MTA2: variants seen among roughly 807,000 people sequenced by gnomAD.
MTA2 encodes metastasis associated 1 family member 2, also known as metastasis-associated protein MTA2.
MTA2 carries 22 observed loss-of-function variants against 87.1 expected under a neutral mutation model. That is an observed-to-expected ratio of 0.25 (90% CI 0.18 to 0.36). MTA2 has a LOEUF of 0.36. Among genes scored for constraint, MTA2 ranks in the 10% least tolerant of loss-of-function variants. The probability of loss-of-function intolerance (pLI) is 1.00; values close to 1 mark genes in which losing one functional copy is unlikely to be tolerated. For missense variants in MTA2, 542 were observed against 853.2 expected (o/e 0.64, Z 4.54); for synonymous variants, 314 against 310.1 (o/e 1.01, Z -0.13).
In MTA2 at chr11:62,596,172, C is replaced by T. The variant is rs1239730669; in HGVS notation, c.1017-65G>A. The T allele has an allele frequency of 4.4e-6, 7 of 1,598,512 alleles. No homozygotes were observed. In the South Asian group the frequency reaches 6.7e-5, roughly 15 times the overall value. On this transcript the variant is annotated intron_variant, in intron 11 of 17. Coordinates refer to ENST00000278823, the MANE Select transcript of MTA2 (RefSeq NM_004739.4). ...CTGGTCAAGGAAAAGAATCAATTTC[C>T]ACTCTCAGTGTGCCCCTACCTCCTG...
chr11:62,597,411 C>T lies in MTA2; in HGVS notation c.598G>A (p.Val200Met), dbSNP rs745372981. 1 of 1,610,502 alleles carries T rather than the reference C, an allele frequency of 6.2e-7. No individual in the cohort carries two copies. Among genetic ancestry groups the T allele is most frequent in the Non-Finnish European group, 8.5e-7 (1 of 1,178,680 alleles). The change falls in exon 8 of 18, where the codon GTG (valine) becomes ATG (methionine). Residue 200 changes from valine to methionine, a missense_variant. Val to Met is a conservative substitution (Grantham distance 21). This residue lies in a region of MTA2 where 44 missense variants were observed against 104.8 expected (regional missense o/e 0.42). Coordinates refer to ENST00000278823, the MANE Select transcript of MTA2 (RefSeq NM_004739.4). ...TCTAGGGCTCTTGCAAAGGTTCCCA[C>T]AGCTCTAAGGGAGAAATTGAGAAGT... ...IDQFLVVARA[V>M]GTFARALDCS...
Position 62,601,844 on chromosome 11 carries a change from G to C in MTA2, c.-394C>G. The C allele has an allele frequency of 2.0e-6, 1 of 494,784 alleles. No individual in the cohort carries two copies. Among genetic ancestry groups the C allele is most frequent in the East Asian group, 3.5e-5 (1 of 28,492 alleles). 30.6% of individuals were successfully genotyped at this position (494,784 alleles called of 1,614,324 possible). On this transcript the variant is annotated 5_prime_UTR_variant, in exon 1 of 18. The change creates a new upstream start codon in the 5' untranslated region. Coordinates refer to ENST00000278823, the MANE Select transcript of MTA2 (RefSeq NM_004739.4). ...GCCTCCTTCCGGAACACCTTCGGCC[G>C]ATCCGGAGAACAAGGCCCACTGCTC...
chr11:62,593,805 G>A lies in MTA2; in HGVS notation c.*70C>T. 1 of 1,580,108 alleles carries A rather than the reference G, an allele frequency of 6.3e-7. No individual in the cohort carries two copies. The highest frequency in any genetic ancestry group is 1.1e-5 in the South Asian group (1 of 89,660). ...CTCCTCACTCCCTTCGACACGAAAG[G>A]GAAGGGAGGTTTGGGTGCCCTGGGC... On this transcript the variant is annotated 3_prime_UTR_variant, in exon 18 of 18. Coordinates refer to ENST00000278823, the MANE Select transcript of MTA2 (RefSeq NM_004739.4).
Position 62,596,653 on chromosome 11 carries a change from T to A in MTA2, c.866A>T (p.Asp289Val), listed in dbSNP as rs377278798. 18 of 1,612,746 alleles carry A rather than the reference T, an allele frequency of 1.1e-5. No homozygotes were observed. Among genetic ancestry groups the A allele is most frequent in the Middle Eastern group, 1.6e-4 (1 of 6,072 alleles). The change falls in exon 9 of 18, where the codon GAT becomes GTT. Residue 289 changes from aspartate to valine, a missense_variant. By Grantham distance (152) the Asp-to-Val change is radical. This residue lies in a region of MTA2 where 33 missense variants were observed against 31.7 expected (regional missense o/e 1.04). Coordinates refer to ENST00000278823, the MANE Select transcript of MTA2 (RefSeq NM_004739.4). ...ALEKYGKDFN[D>V]IRQDFLPWKS... is the part of the protein sequence containing the mutation. ...TCCACTTACAAAATCCTGGCGAATA[T>A]CATTGAAGTCCTTCCCATACTTCTC...
chr11:62,594,519 C>T lies in MTA2; in HGVS notation c.1689G>A (p.Glu563=). ...CCACCCCTTTCTGTCAACTCACAGT[C>T]TCATAGGCCCGTTTCACCATAATGC... is the stretch of plus-strand genomic sequence containing the variant. ...LGGIMVKRAY[E]TMAGAGVPFS... The change falls in exon 16 of 18, where the codon GAG becomes GAA. Residue 563 remains glutamate (E), a synonymous_variant. Coordinates refer to ENST00000278823, the MANE Select transcript of MTA2 (RefSeq NM_004739.4). The T allele has an allele frequency of 6.2e-7, 1 of 1,614,052 alleles. No individual in the cohort carries two copies. The highest frequency in any genetic ancestry group is 8.5e-7 in the Non-Finnish European group (1 of 1,179,974).
chr11:62,596,864 T>G (rs768835292), intron 8 of MTA2, 39 bp from the exon 9 acceptor site: 41 of 1,563,612 alleles, frequency 2.6e-5, no homozygotes, highest in Non-Finnish European at 3.5e-5. Context: ...ACCTGAAACT[T>G]TTGGCACCAC....
In MTA2 at chr11:62,596,355, G is replaced by C. The variant is rs755491336; in HGVS notation, c.958-18C>G. 2.5e-6 allele frequency: 4 copies of C among 1,613,752 alleles called. No homozygotes were observed. The Admixed American group carries it at 5.0e-5, about 20-fold the overall frequency. ...AACCTTTTCTGTAAGAAGGTAAAAA[G>C]AAAGAGAAGGATCAGAGCCTCATAG... On this transcript the variant is annotated intron_variant, in intron 10 of 17. Transcript: ENST00000278823.
Position 62,595,560 on chromosome 11 carries a change from C to T in MTA2, c.1255-68G>A, listed in dbSNP as rs1403574501. Reference sequence around the variant, plus strand: ...CTGAGGCTCCCTTCTTTCTTCCATTCCCTGCAGGGGACAATTTATTCCTGT... The same window carrying T: ...CTGAGGCTCCCTTCTTTCTTCCATTTCCTGCAGGGGACAATTTATTCCTGT... On this transcript the variant is annotated intron_variant, in intron 13 of 17. Transcript: ENST00000278823. This position sits in a 1 kb window ranked among gnomAD's most constrained non-coding sequence, Gnocchi z 4.9. The T allele has an allele frequency of 6.4e-7, 1 of 1,573,334 alleles. No individual in the cohort carries two copies.
At position 62,601,567 on chromosome 11, in the gene MTA2, G is replaced by T. The variant is rs1942202019; in HGVS notation, c.-117C>A. ...GCTGCCGCTTCGAGGGAGTCTCACTGGGGCCCGCGCAGCCGGCACCTCCGC... is the reference window on the plus strand; with the variant it reads ...GCTGCCGCTTCGAGGGAGTCTCACTTGGGCCCGCGCAGCCGGCACCTCCGC... On this transcript the variant is annotated 5_prime_UTR_variant, in exon 1 of 18. Coordinates refer to ENST00000278823, the MANE Select transcript of MTA2 (RefSeq NM_004739.4). 5 of 1,262,572 alleles carry T rather than the reference G, an allele frequency of 4.0e-6. No homozygotes were observed. The highest frequency in any genetic ancestry group is 1.6e-5 in the African/African-American group (1 of 63,564). 78.2% of individuals were successfully genotyped at this position (1,262,572 alleles called of 1,614,324 possible).
intron 3 of MTA2, among the ~76,000 whole-genome samples, chr11:62,599,538 C>G (rs1161249612): frequency 6.7e-6 from 1 of 150,066 alleles, no homozygotes; most frequent in Admixed American, 6.6e-5. Context: ...AAAGGTGGAA[C>G]AAAAGGAAGG....
rs1484825546 is a variant in MTA2, at chr11:62,601,640, G to C, written c.-190C>G. The stretch of plus-strand genomic sequence containing the variant: ...CCCGGCCCGCGCTGTCGCCGCCGCA[G>C]CTATCGCCTCACTCCCGGGACGCTG... On this transcript the variant is annotated 5_prime_UTR_variant, in exon 1 of 18. Transcript: ENST00000278823. 1 of 603,288 alleles carries C rather than the reference G, an allele frequency of 1.7e-6. No homozygotes were observed. Among genetic ancestry groups the C allele is most frequent in the Admixed American group, 3.7e-5 (1 of 26,936 alleles). 37.4% of individuals were successfully genotyped at this position (603,288 alleles called of 1,614,324 possible). A position where few individuals can be genotyped will look rare whatever the true frequency, so the allele number is the denominator to read the frequency against.
In MTA2 at chr11:62,601,706, C is replaced by CCTGCCA; in HGVS notation, c.-257_-256insTGGCAG. The CCTGCCA allele has an allele frequency of 1.9e-6, 1 of 528,186 alleles. No individual in the cohort carries two copies. 32.7% of individuals were successfully genotyped at this position (528,186 alleles called of 1,614,324 possible). Reference sequence around the variant, plus strand: ...CGCTCGGCTTCTTCCGGAACGAGCTCGGCTCCTGCCAGGCCAGAGCCAGGC... The same window carrying CCTGCCA: ...CGCTCGGCTTCTTCCGGAACGAGCTCCTGCCAGGCTCCTGCCAGGCCAGAGCCAGGC... On this transcript the variant is annotated 5_prime_UTR_variant, in exon 1 of 18. Coordinates refer to ENST00000278823, the MANE Select transcript of MTA2 (RefSeq NM_004739.4).
intron 8 of MTA2, among the ~76,000 whole-genome samples, 170 bp from the exon 9 acceptor site, chr11:62,596,995 C>T (rs911079519): frequency 6.6e-6 from 1 of 152,100 alleles, no homozygotes; most frequent in Admixed American, 6.5e-5. Context: ...CGAGATCATC[C>T]TGGCTAAAAC....
In MTA2 at chr11:62,595,323, G is replaced by A; in HGVS notation, c.1424C>T (p.Pro475Leu). The change falls in exon 14 of 18, where the codon CCA (proline) becomes CTA (leucine). Residue 475 changes from proline (P) to leucine (L), a missense_variant. Physicochemically the swap from Pro to Leu is moderately conservative, Grantham distance 98. Transcript: ENST00000278823. This position sits in a 1 kb window ranked among gnomAD's most constrained non-coding sequence, Gnocchi z 4.9. Reference sequence around the variant, plus strand: ...ATAAGGCCGTCGGGCGGCCCTCCTTGGCTGTAATAGGTCCCTGCACATGCG... The same window carrying A: ...ATAAGGCCGTCGGGCGGCCCTCCTTAGCTGTAATAGGTCCCTGCACATGCG... ...ARRMCRDLLQ[P>L]RRAARRPYAP... 6.2e-7 allele frequency: 1 copy of A among 1,614,222 alleles called. No homozygotes were observed. The highest frequency in any genetic ancestry group is 8.5e-7 in the Non-Finnish European group (1 of 1,180,034).
chr11:62,594,698 T>A, intron 15 of MTA2, 64 bp from the exon 16 acceptor site: 1 of 1,462,598 alleles, frequency 6.8e-7, no homozygotes, highest in Non-Finnish European at 9.5e-7. Flanking sequence ...GTTACTTCCA[T>A]CTCTCTTCCC....
In MTA2 at chr11:62,593,888, A is replaced by C; in HGVS notation, c.1994T>G (p.Val665Gly). The C allele has an allele frequency of 6.2e-7, 1 of 1,614,064 alleles. No individual in the cohort carries two copies. The change falls in exon 18 of 18, where the codon GTC (valine) becomes GGC (glycine). Residue 665 changes from valine (V) to glycine (G), a missense_variant. Transcript: ENST00000278823. ...CCCCACAGGTGCTCAGTCCTCCAGG[A>C]CAATAGGCTCATTGGTGCTGGCAGG... ...SHPASTNEPI[V>G]LED is the part of the protein sequence containing the mutation.
At position 62,595,732 on chromosome 11, in the gene MTA2, T is replaced by C. The variant is rs1356522549; in HGVS notation, c.1254+20A>G. ...ATATGCTTACTGCTCTCCCCTGCTTTTCTTCCCACTGATCCTTACCGTGGT... is the reference window on the plus strand; with the variant it reads ...ATATGCTTACTGCTCTCCCCTGCTTCTCTTCCCACTGATCCTTACCGTGGT... On this transcript the variant is annotated intron_variant, in intron 13 of 17. Coordinates refer to ENST00000278823, the MANE Select transcript of MTA2 (RefSeq NM_004739.4). The surrounding 1 kb of genome is among the most constrained non-coding windows in gnomAD (Gnocchi z 4.9). 6.2e-7 allele frequency: 1 copy of C among 1,613,332 alleles called. No homozygotes were observed. The highest frequency in any genetic ancestry group is 8.5e-7 in the Non-Finnish European group (1 of 1,179,594).
chr11:62,596,808 G>T lies in MTA2; in HGVS notation c.711C>A (p.Thr237=). 1.0e-5 allele frequency: 16 copies of T among 1,603,724 alleles called. No individual in the cohort carries two copies. The highest frequency in any genetic ancestry group is 1.4e-5 in the Non-Finnish European group (16 of 1,176,142). Residue 237 remains threonine (T), a synonymous_variant, in exon 9 of 18, where the codon ACC becomes ACA. Transcript: ENST00000278823. The part of the protein sequence containing the change: ...RDITLFHAMD[T]LQRNGYDLAK... ...CCAGGTCGTAGCCGTTCCTTTGCAA[G>T]GTATCCATGGCGTGAAACTATGGGG...
chr11:62,600,575 GAA>G, intron 2 of MTA2, 45 bp downstream of exon 2: 1 of 1,559,046 alleles, frequency 6.4e-7, no homozygotes, highest in Non-Finnish European at 8.8e-7. Context: ...AGAAACCTCA[GAA>G]GAGACCACTG....
Sources: allele counts gnomAD v4.1 joint callset (sites outside exome capture counted in the v4.1 genomes callset), GRCh38; gene constraint gnomAD v4.1.1; regional missense constraint gnomAD v4.1.1; non-coding constraint Gnocchi (gnomAD v3.1); transcripts MANE v1.5; gene names NCBI Gene and HGNC (gene_info 2026-07-23, HGNC 2026-07-21).